The following PANX1 variants were observed in gnomAD, a reference collection of about 807,000 sequenced individuals.
The protein encoded by PANX1 is pannexin-1.
Under a neutral mutation model 38.7 loss-of-function variants are expected in PANX1, and 30 were observed. The ratio of observed to expected loss-of-function variants is 0.78; its 90% CI spans 0.58 to 1.05. The LOEUF (loss-of-function observed/expected upper bound fraction) is 1.05. PANX1 is among the 50% of genes least tolerant of loss of function. The probability of loss-of-function intolerance (pLI) is 0.00; values close to 1 mark genes in which losing one functional copy is unlikely to be tolerated. For synonymous variants in PANX1, 230 were observed against 212.2 expected (o/e 1.08, Z -0.73); for missense variants, 551 against 517.2 (o/e 1.07, Z -0.63).
chr11:94,136,524 T>C (rs930249797), intron 1 of PANX1, among the ~76,000 whole-genome samples: 4 of 152,242 alleles, frequency 2.6e-5, no homozygotes, highest in Non-Finnish European at 4.4e-5. Context: ...CTCATGCTTG[T>C]AATCCCAGCA....
At chr11:94,166,404 T>A (rs1293828046) in intron 2 of PANX1, among the ~76,000 whole-genome samples, 1 of 152,218 alleles carries the variant, frequency 6.6e-6, no homozygotes, top group African/African-American at 2.4e-5. Flanking sequence ...CACCTTTATG[T>A]TTGAAGGATA....
At chr11:94,154,847 T>C (rs1490767927) in intron 2 of PANX1, among the ~76,000 whole-genome samples, 1 of 152,228 alleles carries the variant, frequency 6.6e-6, no homozygotes, top group African/African-American at 2.4e-5. Flanking sequence ...TACTGTATTC[T>C]TACAATAAGC....
intron 2 of PANX1, among the ~76,000 whole-genome samples, chr11:94,158,994 C>G (rs990031954): frequency 2.6e-5 from 4 of 152,170 alleles, no homozygotes; most frequent in Non-Finnish European, 5.9e-5. Context: ...TTTTCTGCAT[C>G]TGTTGAGATA....
At chr11:94,144,912 T>G (rs1203559383) in intron 1 of PANX1, among the ~76,000 whole-genome samples, 1 of 152,178 alleles carries the variant, frequency 6.6e-6, no homozygotes, top group Non-Finnish European at 1.5e-5. Flanking sequence ...ACAGGTTTCT[T>G]TTACTAGGTT....
chr11:94,154,688 G>A lies in PANX1; in HGVS notation c.321+1058G>A, dbSNP rs192011670. On this transcript the variant is annotated intron_variant, in intron 2 of 4. Coordinates refer to ENST00000227638, the MANE Select transcript of PANX1 (RefSeq NM_015368.4). ...TTGACCCTTGAACAATGTGGGGGTC[G>A]GGGCACTGGTCCCCTGCACAGTCAA... is the stretch of plus-strand genomic sequence containing the variant. 7.9e-5 allele frequency among the ~76,000 whole-genome samples: 12 copies of A among 152,196 alleles called. No individual in the cohort carries two copies. In the East Asian group the frequency reaches 1.4e-3, roughly 17 times the overall value.
rs1012013202 is a variant in PANX1 at position 94,129,579 on chromosome 11, G to C, written c.181+86G>C. The C allele has an allele frequency of 6.5e-5, 80 of 1,235,270 alleles. No individual in the cohort carries two copies. In the Admixed American group the frequency reaches 1.6e-3, roughly 24 times the overall value. The allele number at this position is 1,235,270 out of a possible 1,614,324, so 76.5% of individuals were successfully genotyped here. A position where few individuals can be genotyped will look rare whatever the true frequency, so the allele number is the denominator to read the frequency against. On this transcript the variant is annotated intron_variant, in intron 1 of 4. Transcript: ENST00000227638. ...TTTACGGCTCACAGGCCCGAGTCTG[G>C]GTACGCCCAGCTGTGATGGTCGTGA...
chr11:94,154,651 G>C (rs996806216), intron 2 of PANX1, among the ~76,000 whole-genome samples: 1 of 152,180 alleles, frequency 6.6e-6, no homozygotes, highest in East Asian at 1.9e-4. Context: ...ACTCAGGCAT[G>C]TTTGTTTATA....
rs779580633 is a variant in PANX1 at position 94,153,355 on chromosome 11, T to C, written c.182-136T>C. 53 of 842,842 alleles carry C rather than the reference T, an allele frequency of 6.3e-5. 1 individual carries two copies. In the Middle Eastern group the frequency reaches 1.9e-3, roughly 30 times the overall value. The allele number at this position is 842,842 out of a possible 1,614,324, so 52.2% of individuals were successfully genotyped here. ...GTTTTAATATGAACTTGGGTGTTTG[T>C]TTTTAGTTCTGTCCTAATGTCTCCA... On this transcript the variant is annotated intron_variant, in intron 1 of 4. Coordinates refer to ENST00000227638, the MANE Select transcript of PANX1 (RefSeq NM_015368.4).
rs1289658404 is a variant in PANX1, at chr11:94,140,943, A to G, written c.181+11450A>G. Among the ~76,000 whole-genome samples, 3 of 152,312 alleles carry G rather than the reference A, an allele frequency of 2.0e-5. No homozygotes were observed. In the East Asian group the frequency reaches 5.8e-4, roughly 29 times the overall value. On this transcript the variant is annotated intron_variant, in intron 1 of 4. Transcript: ENST00000227638. ...TTTTTGAAAATCTACTTAATATTTCATTTCATAGTAGATGACTGGATTCTG... is the reference window on the plus strand; with the variant it reads ...TTTTTGAAAATCTACTTAATATTTCGTTTCATAGTAGATGACTGGATTCTG...
intron 1 of PANX1, among the ~76,000 whole-genome samples, chr11:94,144,904 A>C (rs1675376667): frequency 6.6e-6 from 1 of 152,142 alleles, no homozygotes; most frequent in Non-Finnish European, 1.5e-5. Flanking sequence ...GCTAGCTCAC[A>C]GGTTTCTTTT....
chr11:94,173,434 G>A (rs1947191678), intron 2 of PANX1, among the ~76,000 whole-genome samples: 1 of 151,494 alleles, frequency 6.6e-6, no homozygotes, highest in Non-Finnish European at 1.5e-5. Flanking sequence ...TTTGACTGCA[G>A]GTATCTCATG....
intron 1 of PANX1, among the ~76,000 whole-genome samples, chr11:94,134,198 G>A (rs1946661742): frequency 6.6e-6 from 1 of 152,184 alleles, no homozygotes; most frequent in Non-Finnish European, 1.5e-5. Flanking sequence ...GGATGAGTGT[G>A]ATCTGTGTGG....
At chr11:94,155,667 G>A (rs1220717052) in intron 2 of PANX1, among the ~76,000 whole-genome samples, 1 of 152,302 alleles carries the variant, frequency 6.6e-6, no homozygotes, top group East Asian at 1.9e-4. Context: ...AGGAAGAGGA[G>A]AGGTTGTTCA....
chr11:94,180,781 T>C lies in PANX1; in HGVS notation c.1202-9T>C. Reference sequence around the variant, plus strand: ...TTCTGTCATAAATATTTGTTTTCAATTTTGACAGGTATGAACATAGACAGT... The same window carrying C: ...TTCTGTCATAAATATTTGTTTTCAACTTTGACAGGTATGAACATAGACAGT... On this transcript the variant is annotated splice_polypyrimidine_tract_variant and intron_variant, in intron 4 of 4. Coordinates refer to ENST00000227638, the MANE Select transcript of PANX1 (RefSeq NM_015368.4). 1 of 1,429,130 alleles carries C rather than the reference T, an allele frequency of 7.0e-7. No individual in the cohort carries two copies. Among genetic ancestry groups the C allele is most frequent in the Non-Finnish European group, 9.9e-7 (1 of 1,013,472 alleles). 88.5% of individuals were successfully genotyped at this position (1,429,130 alleles called of 1,614,324 possible). A position where few individuals can be genotyped will look rare whatever the true frequency, so the allele number is the denominator to read the frequency against.
At position 94,180,017 on chromosome 11, in the gene PANX1, A is replaced by C. The variant is rs1405202053; in HGVS notation, c.961A>C (p.Lys321Gln). 4 of 1,599,848 alleles carry C rather than the reference A, an allele frequency of 2.5e-6. No individual in the cohort carries two copies. Among genetic ancestry groups the C allele is most frequent in the Non-Finnish European group, 3.4e-6 (4 of 1,170,554 alleles). The change falls in exon 4 of 5, where the codon AAA becomes CAA. Residue 321 changes from lysine (K) to glutamine (Q), a missense_variant. Transcript: ENST00000227638. Reference protein sequence around the residue: ...ILPTFDVLHFKSEGYNDLSLY... With the variant: ...ILPTFDVLHFQSEGYNDLSLY... ...CCCCACTTTTGATGTTCTGCATTTC[A>C]AATCTGAAGGGTACAACGATTTGAG...
At position 94,169,643 on chromosome 11, in the gene PANX1, A is replaced by C. The variant is rs1035717131; in HGVS notation, c.322-8726A>C. On this transcript the variant is annotated intron_variant, in intron 2 of 4. Coordinates refer to ENST00000227638, the MANE Select transcript of PANX1 (RefSeq NM_015368.4). ...TTGGACACAGACATGCTCAGAGGGA[A>C]GACAACATGAAGACACTCAGGGAGA... Among the ~76,000 whole-genome samples the C allele has an allele frequency of 4.6e-5, 7 of 151,806 alleles. 1 individual carries two copies. The highest frequency in any genetic ancestry group is 4.6e-4 in the Admixed American group (7 of 15,278).
At chr11:94,162,700 C>T (rs11825553) in intron 2 of PANX1, among the ~76,000 whole-genome samples, 8,440 of 152,152 alleles carry the variant, frequency 0.055, 807 homozygotes, top group African/African-American at 0.19. Context: ...CTTCGGCTCA[C>T]GCTGGGTGCG....
intron 2 of PANX1, among the ~76,000 whole-genome samples, chr11:94,161,801 T>C (rs1947040818): frequency 6.6e-6 from 1 of 152,182 alleles, no homozygotes; most frequent in Non-Finnish European, 1.5e-5. Flanking sequence ...GGTGCTCTGA[T>C]TTTTAGTTTC....
At chr11:94,170,051 T>C (rs976411491) in intron 2 of PANX1, among the ~76,000 whole-genome samples, 13 of 151,818 alleles carry the variant, frequency 8.6e-5, no homozygotes, top group Admixed American at 4.6e-4. Context: ...TTTTTCTTTT[T>C]TGATAAAATA....
Sources: allele counts gnomAD v4.1 joint callset (sites outside exome capture counted in the v4.1 genomes callset), GRCh38; gene constraint gnomAD v4.1.1; transcripts MANE v1.5; gene names NCBI Gene and HGNC (gene_info 2026-07-23, HGNC 2026-07-21).